The following TF variants were observed in gnomAD, a reference collection of about 807,000 sequenced individuals.
TF encodes serotransferrin.
A neutral mutation model predicts 82.4 loss-of-function variants in TF; 55 were observed. The ratio of observed to expected loss-of-function variants is 0.67; its 90% CI spans 0.54 to 0.84. TF has a LOEUF of 0.84. TF is among the 40% of genes least tolerant of loss of function. The pLI is 0.00. For synonymous variants in TF, 332 were observed against 332.6 expected (o/e 1.00, Z 0.02); for missense variants, 737 against 868.4 (o/e 0.85, Z 1.90).
the TF span, among the ~76,000 whole-genome samples, chr3:133,736,631 C>CAAAAAAGAAAAAAAAA: frequency 0.028 from 903 of 32,508 alleles, 83 homozygotes; most frequent in East Asian, 0.16. Flanking sequence ...AATGGAAAGC[C>CAAAAAAGAAAAAAAAA]AAAAAAAAAA....
intron 12 of TF, among the ~76,000 whole-genome samples, 179 bp from the exon 13 acceptor site, chr3:133,767,850 A>G (rs546084463): frequency 1.3e-4 from 20 of 152,212 alleles, no homozygotes; most frequent in African/African-American, 3.6e-4. Context: ...CCTTTTCCCA[A>G]TCTCAATAGG....
chr3:133,778,164 C>G (rs41296620), intron 16 of TF: 2 of 206,748 alleles, frequency 9.7e-6, no homozygotes, highest in African/African-American at 2.3e-5. Flanking sequence ...CAAAAGCAGA[C>G]AGTCTGGCTC....
At chr3:133,732,411 ATAAAATGGACCAATCAGCTCTCTG>A in the TF span, among the ~76,000 whole-genome samples, 1 of 152,196 alleles carries the variant, frequency 6.6e-6, no homozygotes, top group East Asian at 1.9e-4. Flanking sequence ...TCAGCACTCT[ATAAAATGGACCAATCAGCTCTCTG>A]TAAAATGGAC....
the TF span, among the ~76,000 whole-genome samples, chr3:133,679,304 T>C: frequency 6.6e-6 from 1 of 152,202 alleles, no homozygotes; most frequent in Non-Finnish European, 1.5e-5. Context: ...TTATAGGTGG[T>C]AGCCACTGCA....
At chr3:133,767,893 TG>T in intron 12 of TF, 135 bp from the exon 13 acceptor site, 1 of 1,095,152 alleles carries the variant, frequency 9.1e-7, no homozygotes, top group Non-Finnish European at 1.4e-6. Context: ...TGGCAAGTCC[TG>T]GGTTGGTGGT....
chr3:133,782,532 C>T lies in TF; in HGVS notation c.*3912C>T, dbSNP rs1934535503. The T allele has an allele frequency of 6.6e-6, 1 of 151,948 alleles. No individual in the cohort carries two copies. The highest frequency in any genetic ancestry group is 1.5e-5 in the Non-Finnish European group (1 of 68,002). 9.4% of individuals were successfully genotyped at this position (151,948 alleles called of 1,614,324 possible). A position where few individuals can be genotyped will look rare whatever the true frequency, so the allele number is the denominator to read the frequency against. On this transcript the variant is annotated 3_prime_UTR_variant, in exon 17 of 17. Transcript: ENST00000402696. Reference sequence around the variant, plus strand: ...GATATTAAGTGAAATAAGGCAGATACAGAAAGAAAAATATTACACGATTTC... The same window carrying T: ...GATATTAAGTGAAATAAGGCAGATATAGAAAGAAAAATATTACACGATTTC...
the TF span, among the ~76,000 whole-genome samples, chr3:133,703,260 A>AT: frequency 6.6e-6 from 1 of 152,204 alleles, no homozygotes; most frequent in Non-Finnish European, 1.5e-5. Context: ...CTTAAACTGT[A>AT]TTACTCATTT....
the TF span, among the ~76,000 whole-genome samples, chr3:133,720,387 GTGTATCCCATT>G: frequency 6.6e-6 from 1 of 152,000 alleles, no homozygotes; most frequent in Non-Finnish European, 1.5e-5. Flanking sequence ...TATTAATGTG[GTGTATCCCATT>G]TGTTGATTTG....
the TF span, among the ~76,000 whole-genome samples, chr3:133,702,612 T>A: frequency 1.3e-5 from 2 of 151,592 alleles, no homozygotes; most frequent in African/African-American, 4.8e-5. Flanking sequence ...GTGATGATGA[T>A]CTCTGAGTGA....
rs561055011 is a variant in TF, at chr3:133,766,132, C to T, written c.1331-146C>T. On this transcript the variant is annotated intron_variant, in intron 11 of 16. Transcript: ENST00000402696. The stretch of plus-strand genomic sequence containing the variant: ...TCTCCTGACAGAGTTCCTTGTACTT[C>T]CCCTCAGTCAGATACTGGGAAGATC... 150 of 807,712 alleles carry T rather than the reference C, an allele frequency of 1.9e-4. No individual in the cohort carries two copies. The African/African-American group carries it at 2.4e-3, about 13-fold the overall frequency. 50.0% of individuals were successfully genotyped at this position (807,712 alleles called of 1,614,324 possible). A position where few individuals can be genotyped will look rare whatever the true frequency, so the allele number is the denominator to read the frequency against.
At chr3:133,715,827 G>A in the TF span, among the ~76,000 whole-genome samples, 604 of 152,270 alleles carry the variant, frequency 4.0e-3, 1 homozygote, top group Middle Eastern at 6.8e-3. Flanking sequence ...GTACACCACC[G>A]ACCACTGTGG....
chr3:133,673,364 T>C, the TF span, among the ~76,000 whole-genome samples: 1 of 152,152 alleles, frequency 6.6e-6, no homozygotes, highest in Admixed American at 6.5e-5. Context: ...AAGGTCAATA[T>C]ACGAAAACCA....
intron 13 of TF, 133 bp from the exon 14 acceptor site, chr3:133,770,375 G>C: frequency 1.2e-6 from 1 of 812,820 alleles, no homozygotes; most frequent in South Asian, 1.4e-5. Context: ...TCCTTACATT[G>C]CTTACTGTTA....
At position 133,750,831 on chromosome 3, in the gene TF, T is replaced by C. The variant is rs921491375; in HGVS notation, c.216+2247T>C. ...AGTTCTAGGGTACAAGTGCACAACATGCAGGTTTGTTACATATGTACACAT... is the reference window on the plus strand; with the variant it reads ...AGTTCTAGGGTACAAGTGCACAACACGCAGGTTTGTTACATATGTACACAT... On this transcript the variant is annotated intron_variant, in intron 2 of 16. Coordinates refer to ENST00000402696, the MANE Select transcript of TF (RefSeq NM_001063.4). 3.3e-5 allele frequency among the ~76,000 whole-genome samples: 5 copies of C among 152,196 alleles called. No individual in the cohort carries two copies. In the South Asian group the frequency reaches 1.0e-3, roughly 31 times the overall value.
Position 133,789,064 on chromosome 3 carries a change from G to A in TF, c.*10444G>A, listed in dbSNP as rs1004622241. 3.3e-5 allele frequency: 5 copies of A among 152,420 alleles called. No homozygotes were observed. The East Asian group carries it at 9.6e-4, about 29-fold the overall frequency. 9.4% of individuals were successfully genotyped at this position (152,420 alleles called of 1,614,324 possible). A position where few individuals can be genotyped will look rare whatever the true frequency, so the allele number is the denominator to read the frequency against. ...AAAGCGGCACTGGTGCCCACGTAAG[G>A]TCAGAGATGCCTGACACTCTTAAGA... On this transcript the variant is annotated 3_prime_UTR_variant, in exon 17 of 17. Transcript: ENST00000402696.
At chr3:133,705,305 C>A in the TF span, among the ~76,000 whole-genome samples, 1 of 152,014 alleles carries the variant, frequency 6.6e-6, no homozygotes, top group Non-Finnish European at 1.5e-5. Context: ...AATGATGTTT[C>A]CATTGTAGAA....
At chr3:133,737,341 TAA>T in the TF span, among the ~76,000 whole-genome samples, 4 of 152,120 alleles carry the variant, frequency 2.6e-5, no homozygotes, top group Non-Finnish European at 5.9e-5. Flanking sequence ...TTTATACCAC[TAA>T]ATGCCCACAG....
At chr3:133,707,023 A>G in the TF span, among the ~76,000 whole-genome samples, 1 of 152,206 alleles carries the variant, frequency 6.6e-6, no homozygotes, top group Non-Finnish European at 1.5e-5. Context: ...TTATAGTCAG[A>G]AACAACCCTA....
the TF span, among the ~76,000 whole-genome samples, chr3:133,725,684 C>G: frequency 6.6e-6 from 1 of 151,814 alleles, no homozygotes; most frequent in Non-Finnish European, 1.5e-5. Flanking sequence ...CCAGAACTTC[C>G]AACACTATGT....
Sources: allele counts gnomAD v4.1 joint callset (sites outside exome capture counted in the v4.1 genomes callset), GRCh38; gene constraint gnomAD v4.1.1; transcripts MANE v1.5; gene names NCBI Gene and HGNC (gene_info 2026-07-23, HGNC 2026-07-21).